The following PRKG2 variants were observed in gnomAD, a reference collection of about 807,000 sequenced individuals.
The protein encoded by PRKG2 is cGMP-dependent protein kinase 2.
PRKG2 carries 33 observed loss-of-function variants against 97.2 expected under a neutral mutation model. The observed-to-expected ratio is 0.34, with a 90% CI of 0.26 to 0.45. PRKG2 has a LOEUF of 0.45. PRKG2 is among the 20% of genes least tolerant of loss of function. PRKG2 has a pLI of 1.00. For synonymous variants in PRKG2, 330 were observed against 321.8 expected (o/e 1.03, Z -0.27); for missense variants, 638 against 900.0 (o/e 0.71, Z 3.73).
At chr4:81,116,821 G>C (rs1184848007) in intron 14 of PRKG2, among the ~76,000 whole-genome samples, 1 of 147,282 alleles carries the variant, frequency 6.8e-6, no homozygotes, top group African/African-American at 2.6e-5. Context: ...TGTCTTCTTT[G>C]AGACGTGTCT....
chr4:81,118,915 C>T (rs1050124857), intron 14 of PRKG2, among the ~76,000 whole-genome samples: 1 of 152,142 alleles, frequency 6.6e-6, no homozygotes, highest in South Asian at 2.1e-4. Flanking sequence ...CCACCTCAGG[C>T]TCCCAAGTAG....
At chr4:81,092,257 A>C (rs1414894429) in intron 18 of PRKG2, 129 bp downstream of exon 18, 3 of 534,924 alleles carry the variant, frequency 5.6e-6, no homozygotes, top group Non-Finnish European at 9.7e-6. Context: ...ACTTAAATTA[A>C]AATAAAAACT....
intron 17 of PRKG2, among the ~76,000 whole-genome samples, chr4:81,103,610 C>T (rs1743031084): frequency 6.6e-6 from 1 of 152,196 alleles, no homozygotes; most frequent in Admixed American, 6.5e-5. Context: ...CTCTTGAATA[C>T]TGGCAACAAC....
intron 1 of PRKG2, among the ~76,000 whole-genome samples, chr4:81,211,072 C>T (rs1349110307): frequency 6.6e-6 from 1 of 151,992 alleles, no homozygotes; most frequent in African/African-American, 2.4e-5. Flanking sequence ...TGGGAAAGAA[C>T]ATTTATAGGG....
In PRKG2 at chr4:81,154,874, A is replaced by C. The variant is rs572755043; in HGVS notation, c.913-1153T>G. Among the ~76,000 whole-genome samples the C allele has an allele frequency of 2.2e-4, 34 of 152,240 alleles. No homozygotes were observed. In the South Asian group the frequency reaches 7.0e-3, roughly 32 times the overall value. ...GCAAAGAAGTTGAAAACTTTGAAAA[A>C]AATTTAGAAGAATGTATAGGCCGGG... On this transcript the variant is annotated intron_variant, in intron 6 of 18. Transcript: ENST00000264399.
intron 6 of PRKG2, among the ~76,000 whole-genome samples, chr4:81,166,882 GGTTTGTTTTA>G (rs1750033709): frequency 6.6e-6 from 1 of 152,070 alleles, no homozygotes; most frequent in Non-Finnish European, 1.5e-5. Flanking sequence ...GAGTAAGGCA[GGTTTGTTTTA>G]TAAGATATAC....
At chr4:81,200,063 C>T (rs904729100) in intron 2 of PRKG2, among the ~76,000 whole-genome samples, 1 of 152,218 alleles carries the variant, frequency 6.6e-6, no homozygotes, top group African/African-American at 2.4e-5. Context: ...TTCCACCAGA[C>T]ATTCAGCATG....
At chr4:81,163,020 G>C (rs1409123438) in intron 6 of PRKG2, among the ~76,000 whole-genome samples, 1 of 152,114 alleles carries the variant, frequency 6.6e-6, no homozygotes, top group Non-Finnish European at 1.5e-5. Flanking sequence ...ACTTCAAAGG[G>C]GGAAAAGCTT....
chr4:81,114,976 C>T (rs1037371257), intron 14 of PRKG2, among the ~76,000 whole-genome samples: 2 of 152,160 alleles, frequency 1.3e-5, no homozygotes, highest in Non-Finnish European at 2.9e-5. Flanking sequence ...ATATAGTCCA[C>T]TATTTTCACT....
At chr4:81,185,076 T>C (rs529954225) in intron 2 of PRKG2, among the ~76,000 whole-genome samples, 3 of 152,286 alleles carry the variant, frequency 2.0e-5, no homozygotes, top group South Asian at 4.1e-4. Context: ...CCAGGAGAAC[T>C]TCCCCAACCT....
In PRKG2 at chr4:81,128,887, T is replaced by C. The variant is rs1745873979; in HGVS notation, c.1776+6268A>G. Among the ~76,000 whole-genome samples the C allele has an allele frequency of 2.0e-5, 3 of 152,302 alleles. No homozygotes were observed. In the South Asian group the frequency reaches 6.2e-4, roughly 32 times the overall value. On this transcript the variant is annotated intron_variant, in intron 14 of 18. Coordinates refer to ENST00000264399, the MANE Select transcript of PRKG2 (RefSeq NM_006259.3). Reference sequence around the variant, plus strand: ...ACTAGCTTTTGAATTTGTTTGCTCTTGCTTCTCTAGTTCTTTTAATTGTGA... The same window carrying C: ...ACTAGCTTTTGAATTTGTTTGCTCTCGCTTCTCTAGTTCTTTTAATTGTGA...
At chr4:81,158,798 T>C (rs551962658) in intron 6 of PRKG2, among the ~76,000 whole-genome samples, 178 of 152,144 alleles carry the variant, frequency 1.2e-3, no homozygotes, top group African/African-American at 4.1e-3. Context: ...ACGTCACATA[T>C]CTACAACCAT....
chr4:81,141,055 G>A (rs6829563), intron 11 of PRKG2, among the ~76,000 whole-genome samples: 6,911 of 151,812 alleles, frequency 0.046, 538 homozygotes, highest in African/African-American at 0.16. Flanking sequence ...TCACTCTGTC[G>A]CCCAGAATGC....
At chr4:81,169,278 T>G (rs1750254582) in intron 5 of PRKG2, among the ~76,000 whole-genome samples, 1 of 152,068 alleles carries the variant, frequency 6.6e-6, no homozygotes, top group South Asian at 2.1e-4. Context: ...TTAATTAATT[T>G]TAATACCATT....
chr4:81,104,369 C>T lies in PRKG2; in HGVS notation c.2126+1G>A. ...TTCTGGGCAAAGAAATAATTATGTA[C>T]CTGTGTTTCTTAATGTCATTTATTC... On this transcript the variant is annotated splice_donor_variant, in intron 17 of 18. Coordinates refer to ENST00000264399, the MANE Select transcript of PRKG2 (RefSeq NM_006259.3). LOFTEE classifies it high-confidence loss of function. 1 of 1,517,952 alleles carries T rather than the reference C, an allele frequency of 6.6e-7. No homozygotes were observed. The highest frequency in any genetic ancestry group is 8.9e-7 in the Non-Finnish European group (1 of 1,128,292). 94.0% of individuals were successfully genotyped at this position (1,517,952 alleles called of 1,614,324 possible).
At chr4:81,110,744 C>T in intron 14 of PRKG2, 133 bp from the exon 15 acceptor site, 1 of 752,890 alleles carries the variant, frequency 1.3e-6, no homozygotes, top group Non-Finnish European at 2.1e-6. Context: ...CACACACACA[C>T]ACACAAAGAG....
intron 8 of PRKG2, 81 bp from the exon 9 acceptor site, chr4:81,149,033 T>C (rs1748127772): frequency 2.2e-6 from 3 of 1,362,820 alleles, no homozygotes; most frequent in South Asian, 1.2e-5. Flanking sequence ...GTACTAACTT[T>C]GTATGAAAAC....
At chr4:81,184,704 A>T (rs1751721296) in intron 2 of PRKG2, among the ~76,000 whole-genome samples, 1 of 152,186 alleles carries the variant, frequency 6.6e-6, no homozygotes, top group Non-Finnish European at 1.5e-5. Context: ...GAGATAAGGG[A>T]GCATGTTCTA....
chr4:81,092,858 T>C (rs1486542940), intron 17 of PRKG2, among the ~76,000 whole-genome samples: 2 of 152,184 alleles, frequency 1.3e-5, no homozygotes. Flanking sequence ...CTGTCAGTGC[T>C]AGCTTCACAT....
Sources: allele counts gnomAD v4.1 joint callset (sites outside exome capture counted in the v4.1 genomes callset), GRCh38; gene constraint gnomAD v4.1.1; transcripts MANE v1.5; gene names NCBI Gene and HGNC (gene_info 2026-07-23, HGNC 2026-07-21).